The following RALYL variants were observed in gnomAD, a reference collection of about 807,000 sequenced individuals.
RALYL encodes the protein RALY RNA binding protein like, also known as RNA-binding Raly-like protein.
Under a neutral mutation model 35.1 loss-of-function variants are expected in RALYL, and 29 were observed. That is an observed-to-expected ratio of 0.83 (90% CI 0.61 to 1.13). The LOEUF is 1.13. Among genes scored for constraint, RALYL ranks in the 50% most tolerant of loss-of-function variants. The pLI, the probability that RALYL is intolerant of heterozygous loss-of-function variation, is 0.00. For missense variants in RALYL, 359 were observed against 360.4 expected (o/e 1.00, Z 0.03); for synonymous variants, 120 against 127.6 (o/e 0.94, Z 0.40).
At chr8:84,474,065 T>C (rs2053108512) in intron 1 of RALYL, among the ~76,000 whole-genome samples, 2 of 152,146 alleles carry the variant, frequency 1.3e-5, no homozygotes, top group South Asian at 4.1e-4. Flanking sequence ...CTCTTTATTA[T>C]GAGCTCTGAT....
rs187245057 is a variant in RALYL at position 84,263,171 on chromosome 8, C to A, written c.-24+78747C>A. On this transcript the variant is annotated intron_variant, in intron 1 of 8. Coordinates refer to ENST00000521268, the MANE Select transcript of RALYL (RefSeq NM_173848.7). The stretch of plus-strand genomic sequence containing the variant: ...ATTGGGAAAAGTGTGAAATTTTGGT[C>A]TTCAAAGTTCTAAGTAAATATTTGC... Among the ~76,000 whole-genome samples the A allele has an allele frequency of 3.9e-5, 6 of 152,232 alleles. No individual in the cohort carries two copies. In the East Asian group the frequency reaches 1.2e-3, roughly 29 times the overall value.
At chr8:84,508,480 T>C (rs1442070923) in intron 1 of RALYL, among the ~76,000 whole-genome samples, 1 of 152,144 alleles carries the variant, frequency 6.6e-6, no homozygotes, top group Admixed American at 6.6e-5. Flanking sequence ...GAGGTTATTA[T>C]TAGAATCAAG....
At chr8:84,551,451 T>G (rs1294702591) in intron 2 of RALYL, among the ~76,000 whole-genome samples, 1 of 152,078 alleles carries the variant, frequency 6.6e-6, no homozygotes, top group Non-Finnish European at 1.5e-5. Flanking sequence ...TAGATGAAGA[T>G]GGTATAAATA....
intron 1 of RALYL, among the ~76,000 whole-genome samples, chr8:84,495,754 CT>C (rs1297355624): frequency 4.6e-5 from 7 of 151,854 alleles, no homozygotes; most frequent in Non-Finnish European, 1.0e-4. Flanking sequence ...ATTTTCTTTT[CT>C]GCTTATTTGT....
intron 1 of RALYL, among the ~76,000 whole-genome samples, chr8:84,499,762 T>C (rs1247574670): frequency 1.3e-5 from 2 of 152,168 alleles, no homozygotes; most frequent in African/African-American, 4.8e-5. Context: ...TGATTATTTA[T>C]TTATTTATTT....
At chr8:84,255,633 A>C (rs1344309982) in intron 1 of RALYL, among the ~76,000 whole-genome samples, 1 of 152,062 alleles carries the variant, frequency 6.6e-6, no homozygotes, top group Non-Finnish European at 1.5e-5. Context: ...GAACTTTTTC[A>C]CGGAGAAACT....
At position 84,720,196 on chromosome 8, in the gene RALYL, G is replaced by A. The variant is rs368608143; in HGVS notation, c.257-54383G>A. ...TATGGAACCACAAAAAACCCAAATA[G>A]CCAAAGCAATCTTAGGCAAAAAGAA... On this transcript the variant is annotated intron_variant, in intron 2 of 8. Coordinates refer to ENST00000521268, the MANE Select transcript of RALYL (RefSeq NM_173848.7). 9.9e-5 allele frequency among the ~76,000 whole-genome samples: 15 copies of A among 152,024 alleles called. No individual in the cohort carries two copies. In the South Asian group the frequency reaches 1.7e-3, roughly 17 times the overall value.
At chr8:84,871,811 A>G (rs1231132104) in intron 6 of RALYL, among the ~76,000 whole-genome samples, 1 of 152,188 alleles carries the variant, frequency 6.6e-6, no homozygotes, top group Admixed American at 6.5e-5. Context: ...TCTCATTTTT[A>G]TACAAAAATC....
intron 2 of RALYL, among the ~76,000 whole-genome samples, chr8:84,556,860 C>T (rs913482968): frequency 2.0e-5 from 3 of 152,066 alleles, no homozygotes; most frequent in Non-Finnish European, 2.9e-5. Flanking sequence ...CCGACCACAC[C>T]GACCAAAGCC....
intron 1 of RALYL, among the ~76,000 whole-genome samples, chr8:84,366,842 C>T (rs1854405198): frequency 6.8e-6 from 1 of 146,314 alleles, no homozygotes; most frequent in Non-Finnish European, 1.5e-5. Flanking sequence ...GTGCTGTTCA[C>T]ACAATATACA....
intron 2 of RALYL, among the ~76,000 whole-genome samples, chr8:84,669,706 C>T (rs1160950742): frequency 6.6e-6 from 1 of 152,046 alleles, no homozygotes; most frequent in African/African-American, 2.4e-5. Context: ...TATAAGATGG[C>T]CATTCACTTT....
chr8:84,815,520 T>C (rs1326801938), intron 4 of RALYL, among the ~76,000 whole-genome samples: 1 of 150,504 alleles, frequency 6.6e-6, no homozygotes, highest in Non-Finnish European at 1.5e-5. Flanking sequence ...ATTAAAATTC[T>C]TGCCCATCTT....
At chr8:84,262,473 A>G (rs1023910374) in intron 1 of RALYL, among the ~76,000 whole-genome samples, 1 of 152,256 alleles carries the variant, frequency 6.6e-6, no homozygotes, top group African/African-American at 2.4e-5. Flanking sequence ...TAATCTGTTG[A>G]GCATTTCTGT....
intron 1 of RALYL, among the ~76,000 whole-genome samples, chr8:84,308,938 A>G (rs1842286730): frequency 6.6e-6 from 1 of 151,944 alleles, no homozygotes; most frequent in Non-Finnish European, 1.5e-5. Context: ...ACAAATATCA[A>G]GGGTCATGAT....
At chr8:84,525,809 T>C (rs1470204457) in intron 1 of RALYL, among the ~76,000 whole-genome samples, 1 of 152,126 alleles carries the variant, frequency 6.6e-6, no homozygotes, top group East Asian at 1.9e-4. Context: ...AAAAGTCCCA[T>C]TTGATTCATT....
chr8:84,295,381 CAA>C (rs1272166396), intron 1 of RALYL, among the ~76,000 whole-genome samples: 1 of 151,976 alleles, frequency 6.6e-6, no homozygotes, highest in Non-Finnish European at 1.5e-5. Context: ...GAGACTCCTG[CAA>C]AAAGAGTCAT....
chr8:84,599,095 CAT>C (rs1432165861), intron 2 of RALYL, among the ~76,000 whole-genome samples: 3 of 151,912 alleles, frequency 2.0e-5, no homozygotes, highest in African/African-American at 4.8e-5. Context: ...CACTGTAAAA[CAT>C]ATAACCTTAA....
At chr8:84,755,780 G>A (rs910362108) in intron 2 of RALYL, among the ~76,000 whole-genome samples, 2 of 151,682 alleles carry the variant, frequency 1.3e-5, no homozygotes, top group Non-Finnish European at 2.9e-5. Context: ...CTACAATATT[G>A]TGCCTAAAAT....
intron 2 of RALYL, among the ~76,000 whole-genome samples, chr8:84,532,387 T>A (rs2059332235): frequency 6.6e-6 from 1 of 152,052 alleles, no homozygotes; most frequent in South Asian, 2.1e-4. Context: ...ACCTTTGTTT[T>A]TGATGATTTG....
Sources: allele counts gnomAD v4.1 joint callset (sites outside exome capture counted in the v4.1 genomes callset), GRCh38; gene constraint gnomAD v4.1.1; transcripts MANE v1.5; gene names NCBI Gene and HGNC (gene_info 2026-07-23, HGNC 2026-07-21).